Variants in ABCC4 observed in about 807,000 individuals in gnomAD.
ABCC4 encodes ATP-binding cassette sub-family C member 4.
Under a neutral mutation model 168.5 loss-of-function variants are expected in ABCC4, and 102 were observed. The observed-to-expected ratio is 0.61, with a 90% confidence interval of 0.52 to 0.71. ABCC4 has a LOEUF of 0.71. ABCC4 is among the 30% of genes least tolerant of loss of function. The probability of loss-of-function intolerance (pLI) is 0.00; values close to 1 mark genes in which losing one functional copy is unlikely to be tolerated. For missense variants in ABCC4, 1,402 were observed against 1,605.8 expected (o/e 0.87, Z 2.17); for synonymous variants, 617 against 590.7 (o/e 1.04, Z -0.65).
intron 27 of ABCC4, 26 bp downstream of exon 27, chr13:95,053,069 A>G: frequency 1.3e-6 from 2 of 1,587,066 alleles, no homozygotes. Context: ...CTAACAGACT[A>G]AAGATAATTA....
intron 20 of ABCC4, among the ~76,000 whole-genome samples, chr13:95,089,695 A>G (rs1236123009): frequency 6.6e-6 from 1 of 152,178 alleles, no homozygotes; most frequent in Non-Finnish European, 1.5e-5. Flanking sequence ...TACAAGCCTG[A>G]TTTAAGATCT....
At chr13:95,258,061 T>C (rs2040436935) in intron 1 of ABCC4, among the ~76,000 whole-genome samples, 1 of 152,100 alleles carries the variant, frequency 6.6e-6, no homozygotes, top group Non-Finnish European at 1.5e-5. Context: ...CCAGATCCCA[T>C]TTGTCCCAAC....
At position 95,038,992 on chromosome 13, in the gene ABCC4, T is replaced by C. The variant is rs549631199; in HGVS notation, c.3736-4253A>G. Among the ~76,000 whole-genome samples the C allele has an allele frequency of 3.3e-5, 5 of 152,274 alleles. No individual in the cohort carries two copies. The South Asian group carries it at 8.3e-4, about 25-fold the overall frequency. On this transcript the variant is annotated intron_variant, in intron 29 of 30. Coordinates refer to ENST00000645237, the MANE Select transcript of ABCC4 (RefSeq NM_005845.5). ...ACACAGCAGGAATGAGGGCAGAGGC[T>C]TGACTCACAAATTAAATATTGGAAA...
intron 19 of ABCC4, among the ~76,000 whole-genome samples, chr13:95,135,566 T>A (rs1462570159): frequency 6.6e-6 from 1 of 151,836 alleles, no homozygotes; most frequent in Non-Finnish European, 1.5e-5. Flanking sequence ...GCACATACCA[T>A]CATGCCCAGC....
chr13:95,195,809 T>A (rs1343951949), intron 8 of ABCC4, among the ~76,000 whole-genome samples: 1 of 152,006 alleles, frequency 6.6e-6, no homozygotes, highest in Non-Finnish European at 1.5e-5. Flanking sequence ...AATTTTTGTA[T>A]TTACACTGGA....
rs756755697 is a variant in ABCC4 at position 95,213,383 on chromosome 13, G to A, written c.532-2602C>T. Among the ~76,000 whole-genome samples, 6 of 152,228 alleles carry A rather than the reference G, an allele frequency of 3.9e-5. No homozygotes were observed. In the South Asian group the frequency reaches 8.3e-4, roughly 21 times the overall value. ...CCCAAGCAAAACAGTTTCACTGAGCGGTGGAGGAAGAGATGGTTGTTCCAA... is the reference window on the plus strand; with the variant it reads ...CCCAAGCAAAACAGTTTCACTGAGCAGTGGAGGAAGAGATGGTTGTTCCAA... On this transcript the variant is annotated intron_variant, in intron 4 of 30. Transcript: ENST00000645237.
At chr13:95,116,600 C>T (rs1377756419) in intron 19 of ABCC4, among the ~76,000 whole-genome samples, 2 of 152,052 alleles carry the variant, frequency 1.3e-5, no homozygotes, top group Non-Finnish European at 2.9e-5. Context: ...CAGGCTTAGT[C>T]TTATCTAAGA....
chr13:95,097,831 T>C (rs1236219277), intron 20 of ABCC4, among the ~76,000 whole-genome samples: 2 of 151,920 alleles, frequency 1.3e-5, no homozygotes, highest in Non-Finnish European at 2.9e-5. Context: ...TACTAAAATA[T>C]TACTTCAGAA....
intron 4 of ABCC4, among the ~76,000 whole-genome samples, chr13:95,221,695 G>A (rs2138715592): frequency 6.7e-6 from 1 of 150,152 alleles, no homozygotes; most frequent in East Asian, 1.9e-4. Flanking sequence ...TTCAGGGCAG[G>A]GCAATGAAAA....
At chr13:95,287,897 C>G (rs532293386) in intron 1 of ABCC4, among the ~76,000 whole-genome samples, 1 of 152,018 alleles carries the variant, frequency 6.6e-6, no homozygotes, top group East Asian at 1.9e-4. Context: ...AAAAAATTAG[C>G]CAGGCATGGT....
intron 1 of ABCC4, among the ~76,000 whole-genome samples, chr13:95,293,784 C>CT (rs35106299): frequency 0.53 from 72,790 of 138,600 alleles, 19,722 homozygotes; most frequent in Non-Finnish European, 0.62. Context: ...TTTTCTTTTG[C>CT]TTTTTTTTTT....
At chr13:95,197,767 A>T (rs887780900) in intron 8 of ABCC4, among the ~76,000 whole-genome samples, 8 of 152,222 alleles carry the variant, frequency 5.3e-5, no homozygotes, top group African/African-American at 1.9e-4. Context: ...TGTGGAAGTC[A>T]TTGAAGACTT....
rs1396551502 is a variant in ABCC4, at chr13:95,258,927, C to CGG, written c.75-11175_75-11174insCC. Among the ~76,000 whole-genome samples, 62 of 152,282 alleles carry CGG rather than the reference C, an allele frequency of 4.1e-4. 1 individual carries two copies. In the Middle Eastern group the frequency reaches 0.01, roughly 25 times the overall value. On this transcript the variant is annotated intron_variant, in intron 1 of 30. Coordinates refer to ENST00000645237, the MANE Select transcript of ABCC4 (RefSeq NM_005845.5). ...TGGTTAGTTTTCCTTGAAGAGTCTG[C>CGG]CAGCCCTGCCTGCGGGAGGCTGCTG... is the stretch of plus-strand genomic sequence containing the variant.
At chr13:95,246,329 C>T (rs1442729647) in intron 3 of ABCC4, among the ~76,000 whole-genome samples, 1 of 152,172 alleles carries the variant, frequency 6.6e-6, no homozygotes, top group African/African-American at 2.4e-5. Context: ...ACCTTCTTCC[C>T]AGAGGGGATT....
intron 1 of ABCC4, among the ~76,000 whole-genome samples, chr13:95,252,224 GA>G (rs957380571): frequency 6.6e-6 from 1 of 151,044 alleles, no homozygotes; most frequent in Non-Finnish European, 1.5e-5. Flanking sequence ...ATAAGAAAAG[GA>G]AAAAAAAATT....
intron 30 of ABCC4, 126 bp downstream of exon 30, chr13:95,034,479 G>T: frequency 7.4e-7 from 1 of 1,349,208 alleles, no homozygotes; most frequent in Non-Finnish European, 9.8e-7. Flanking sequence ...CACTCATGAA[G>T]CTTTGTCTCT....
At chr13:95,029,716 C>T (rs1231281664) in intron 30 of ABCC4, among the ~76,000 whole-genome samples, 1 of 152,172 alleles carries the variant, frequency 6.6e-6, no homozygotes, top group African/African-American at 2.4e-5. Context: ...TAAAAAAGTA[C>T]TGAGCTTTTA....
intron 4 of ABCC4, among the ~76,000 whole-genome samples, chr13:95,215,870 G>A (rs1316574599): frequency 6.6e-6 from 1 of 151,870 alleles, no homozygotes; most frequent in African/African-American, 2.4e-5. Context: ...TAAAAAGAAG[G>A]CATAAAATTG....
At chr13:95,192,971 TAA>T (rs1422394697) in intron 9 of ABCC4, among the ~76,000 whole-genome samples, 2 of 152,240 alleles carry the variant, frequency 1.3e-5, no homozygotes, top group East Asian at 1.9e-4. Context: ...TGCCAGCAGA[TAA>T]AGAGAAACTG....
Sources: gnomAD v4.1 joint callset for allele counts (sites outside exome capture counted in the v4.1 genomes callset) on GRCh38, gnomAD v4.1.1 for gene constraint, MANE v1.5 for transcripts, NCBI Gene and HGNC (gene_info 2026-07-23, HGNC 2026-07-21) for gene names.